M1AP: variants seen among roughly 807,000 people sequenced by gnomAD.
M1AP encodes meiosis 1 arrest protein.
M1AP carries 39 observed loss-of-function variants against 51.2 expected under a neutral mutation model. That is an observed-to-expected ratio of 0.76 (90% CI 0.59 to 1.00). M1AP has a LOEUF of 1.00. Ranked by LOEUF, M1AP falls within the 50% of genes least tolerant of loss-of-function variation. The probability of loss-of-function intolerance (pLI) is 0.00; values close to 1 mark genes in which losing one functional copy is unlikely to be tolerated. For missense variants in M1AP, 545 were observed against 641.2 expected (o/e 0.85, Z 1.62); for synonymous variants, 251 against 249.2 (o/e 1.01, Z -0.07).
intron 7 of M1AP, among the ~76,000 whole-genome samples, chr2:74,568,284 G>A (rs1678515743): frequency 6.6e-6 from 1 of 152,232 alleles, no homozygotes; most frequent in South Asian, 2.1e-4. Context: ...ATCTAAGTGG[G>A]TTACAGTGGC....
intron 1 of M1AP, chr2:74,647,954 C>T (rs1683702588): frequency 1.1e-6 from 1 of 923,380 alleles, no homozygotes. Context: ...CCTCCGTGGT[C>T]CCTCGGCATG....
intron 2 of M1AP, chr2:74,618,879 C>T (rs1200560460): frequency 2.5e-5 from 13 of 511,094 alleles, no homozygotes; most frequent in Non-Finnish European, 3.9e-5. Context: ...TGTCATTGTT[C>T]AGTCTTACAG....
chr2:74,611,725 G>A (rs560583207), intron 3 of M1AP, among the ~76,000 whole-genome samples: 3 of 151,444 alleles, frequency 2.0e-5, no homozygotes, highest in South Asian at 4.2e-4. Flanking sequence ...CCAGCTATTC[G>A]GGAAGCTGAG....
At chr2:74,607,568 G>T (rs557053650) in intron 3 of M1AP, among the ~76,000 whole-genome samples, 2 of 152,240 alleles carry the variant, frequency 1.3e-5, no homozygotes, top group East Asian at 3.9e-4. Flanking sequence ...CCGCCTTCCG[G>T]GGTCAAGTGA....
chr2:74,584,303 C>T (rs922877900), intron 4 of M1AP, among the ~76,000 whole-genome samples: 2 of 151,802 alleles, frequency 1.3e-5, no homozygotes, highest in Non-Finnish European at 2.9e-5. Flanking sequence ...CATAAAGTGG[C>T]GGCTACTAAA....
chr2:74,608,329 GGATA>G (rs1270118582), intron 3 of M1AP, among the ~76,000 whole-genome samples: 1 of 151,960 alleles, frequency 6.6e-6, no homozygotes, highest in African/African-American at 2.4e-5. Context: ...ATATAGTTGG[GGATA>G]TATATGCAGC....
Position 74,628,862 on chromosome 2 carries a change from T to A in M1AP, c.240+11174A>T, listed in dbSNP as rs1489084012. The A allele has an allele frequency of 5.0e-5, 22 of 440,768 alleles. No individual in the cohort carries two copies. In the East Asian group the frequency reaches 1.2e-3, roughly 24 times the overall value. 27.3% of individuals were successfully genotyped at this position (440,768 alleles called of 1,614,324 possible). A position where few individuals can be genotyped will look rare whatever the true frequency, so the allele number is the denominator to read the frequency against. On this transcript the variant is annotated intron_variant, in intron 2 of 10. Transcript: ENST00000421985. ...CACTGAATATCTGATTTTTGGATTTTTTTGGTCTATTAGTTGTCTCCTCTT... is the reference window on the plus strand; with the variant it reads ...CACTGAATATCTGATTTTTGGATTTATTTGGTCTATTAGTTGTCTCCTCTT...
chr2:74,607,112 T>C lies in M1AP; in HGVS notation c.538A>G (p.Lys180Glu). 1 of 1,614,164 alleles carries C rather than the reference T, an allele frequency of 6.2e-7. No individual in the cohort carries two copies. The highest frequency in any genetic ancestry group is 8.5e-7 in the Non-Finnish European group (1 of 1,180,020). The change falls in exon 4 of 11, where the codon AAG becomes GAG. Residue 180 changes from lysine (K) to glutamate (E), a missense_variant. Physicochemically the swap from Lys to Glu is moderately conservative, Grantham distance 56 (BLOSUM62 1). Transcript: ENST00000421985. ...VRRFQVVEVT[K>E]GILEHVDSAS... ...GAGTCCACGTGCTCTAGGATTCCCT[T>C]TGTGACCTCAACGACCTGAAACCTC...
At chr2:74,640,366 G>A in intron 1 of M1AP, 39 bp from the exon 2 acceptor site, 1 of 1,487,616 alleles carries the variant, frequency 6.7e-7, no homozygotes, top group African/African-American at 1.4e-5. Context: ...TTTTCAAACT[G>A]AATTATGTGT....
At chr2:74,559,767 A>G (rs746929673) in intron 9 of M1AP, 58 bp from the exon 10 acceptor site, 9 of 716,862 alleles carry the variant, frequency 1.3e-5, no homozygotes, top group Non-Finnish European at 1.8e-5. Flanking sequence ...AACCTGGCAA[A>G]TGACTGGTGC....
At chr2:74,589,060 G>C (rs1372512460) in intron 4 of M1AP, among the ~76,000 whole-genome samples, 2 of 152,262 alleles carry the variant, frequency 1.3e-5, no homozygotes, top group Non-Finnish European at 2.9e-5. Context: ...GGGCGTGTGT[G>C]TGTGCACGCG....
intron 4 of M1AP, among the ~76,000 whole-genome samples, chr2:74,590,913 G>A (rs956484202): frequency 1.3e-5 from 2 of 152,154 alleles, no homozygotes; most frequent in African/African-American, 2.4e-5. Context: ...CTCAGTAAAC[G>A]TTATATTGAA....
At chr2:74,603,811 C>T (rs1680810283) in intron 4 of M1AP, among the ~76,000 whole-genome samples, 1 of 152,142 alleles carries the variant, frequency 6.6e-6, no homozygotes, top group African/African-American at 2.4e-5. Context: ...GAACCACACC[C>T]TTAGTAACCA....
In M1AP at chr2:74,626,976, A is replaced by C. The variant is rs1203394891; in HGVS notation, c.241-11827T>G. ...TTTAAAATTTGAACTTTACTAGCAG[A>C]ATGTCTAGTTCTCCTGTTGGAAATT... On this transcript the variant is annotated intron_variant, in intron 2 of 10. Coordinates refer to ENST00000421985, the MANE Select transcript of M1AP (RefSeq NM_001321739.2). 3.9e-5 allele frequency among the ~76,000 whole-genome samples: 6 copies of C among 152,294 alleles called. No individual in the cohort carries two copies. The East Asian group carries it at 1.2e-3, about 29-fold the overall frequency.
intron 7 of M1AP, among the ~76,000 whole-genome samples, chr2:74,565,825 T>TCACACACACACACACACA (rs72206117): frequency 4.3e-5 from 6 of 138,096 alleles, no homozygotes; most frequent in East Asian, 4.6e-4. Flanking sequence ...TGAGATGCCG[T>TCACACACACACACACACA]CACACACACA....
At chr2:74,598,623 TTTTTTTTTTTTTTTTTTTTGAGACAGA>T (rs1302355836) in intron 4 of M1AP, among the ~76,000 whole-genome samples, 1 of 68,302 alleles carries the variant, frequency 1.5e-5, no homozygotes, top group Admixed American at 1.4e-4. Flanking sequence ...TATATCAACT[TTTTTTTTTTTTTTTTTTTTGAGACAGA>T]GTCTTGCTCT....
chr2:74,580,964 G>C (rs1443995441), intron 5 of M1AP, among the ~76,000 whole-genome samples: 1 of 152,164 alleles, frequency 6.6e-6, no homozygotes, highest in Non-Finnish European at 1.5e-5. Context: ...TGCAGGCCCA[G>C]CCACCCCAGG....
intron 2 of M1AP, among the ~76,000 whole-genome samples, chr2:74,637,744 C>T (rs759063876): frequency 2.0e-5 from 3 of 152,174 alleles, no homozygotes; most frequent in East Asian, 1.9e-4. Context: ...CTGATATGAA[C>T]AGGTACTATT....
At chr2:74,591,564 T>C (rs1238836627) in intron 4 of M1AP, among the ~76,000 whole-genome samples, 1 of 152,006 alleles carries the variant, frequency 6.6e-6, no homozygotes, top group Non-Finnish European at 1.5e-5. Context: ...AAGTTTGAAT[T>C]AAGAAGAAAG....
Sources: gnomAD v4.1 joint callset for allele counts (sites outside exome capture counted in the v4.1 genomes callset) on GRCh38, gnomAD v4.1.1 for gene constraint, MANE v1.5 for transcripts, NCBI Gene and HGNC (gene_info 2026-07-23, HGNC 2026-07-21) for gene names.